The following PRKRIP1 variants were observed in gnomAD, a reference collection of about 807,000 sequenced individuals.
PRKRIP1 encodes the protein PRKR-interacting protein 1.
Under a neutral mutation model 29.3 loss-of-function variants are expected in PRKRIP1, and 29 were observed. That is an observed-to-expected ratio of 0.99 (90% CI 0.74 to 1.35). PRKRIP1 has a LOEUF of 1.35. PRKRIP1 is among the 40% of genes most tolerant of loss of function. The pLI, the probability that PRKRIP1 is intolerant of heterozygous loss-of-function variation, is 0.00. For missense variants in PRKRIP1, 247 were observed against 236.8 expected (o/e 1.04, Z -0.28); for synonymous variants, 90 against 85.1 (o/e 1.06, Z -0.32).
intron 5 of PRKRIP1, among the ~76,000 whole-genome samples, chr7:102,413,240 G>T (rs528157999): frequency 2.6e-5 from 4 of 152,268 alleles, no homozygotes; most frequent in South Asian, 4.2e-4. Context: ...GCACCCCAGT[G>T]GGGGAGGAGG....
At chr7:102,398,845 A>G (rs782785002) in intron 2 of PRKRIP1, among the ~76,000 whole-genome samples, 6 of 152,276 alleles carry the variant, frequency 3.9e-5, no homozygotes, top group African/African-American at 1.2e-4. Flanking sequence ...AAAAAGCAAC[A>G]TAGGCCAGGC....
chr7:102,404,300 G>C, intron 3 of PRKRIP1: 1 of 252,702 alleles, frequency 4.0e-6, no homozygotes, highest in Non-Finnish European at 7.7e-6. Flanking sequence ...AGCAGATGGT[G>C]AGCGCTGCCC....
intron 5 of PRKRIP1, among the ~76,000 whole-genome samples, chr7:102,416,660 G>A (rs1554573151): frequency 6.9e-6 from 1 of 144,694 alleles, no homozygotes; most frequent in African/African-American, 2.6e-5. Context: ...TACTGCCAAC[G>A]TGGCCATCAG....
At position 102,407,597 on chromosome 7, in the gene PRKRIP1, T is replaced by C. The variant is rs1554572034; in HGVS notation, c.457+99T>C. The C allele has an allele frequency of 3.4e-6, 3 of 872,342 alleles. No homozygotes were observed. In the Admixed American group the frequency reaches 6.7e-5, roughly 19 times the overall value. The allele number at this position is 872,342 out of a possible 1,614,324, so 54.0% of individuals were successfully genotyped here. A position where few individuals can be genotyped will look rare whatever the true frequency, so the allele number is the denominator to read the frequency against. On this transcript the variant is annotated intron_variant, in intron 5 of 5. Transcript: ENST00000397912. ...CACAGGGACGGAGAGTTTGGGCTGGTTGGCTGGCCACTGAAGAAATAACAG... is the reference window on the plus strand; with the variant it reads ...CACAGGGACGGAGAGTTTGGGCTGGCTGGCTGGCCACTGAAGAAATAACAG...
chr7:102,424,071 C>T (rs966647570), intron 5 of PRKRIP1, among the ~76,000 whole-genome samples: 2 of 152,272 alleles, frequency 1.3e-5, no homozygotes, highest in Non-Finnish European at 2.9e-5. Flanking sequence ...TCGCCAGCGC[C>T]GTGCGTGTTC....
intron 4 of PRKRIP1, among the ~76,000 whole-genome samples, chr7:102,406,215 G>A (rs148814679): frequency 9.6e-4 from 146 of 152,226 alleles, no homozygotes; most frequent in African/African-American, 3.3e-3. Context: ...TGGTTTCACC[G>A]GGATTCAGAA....
chr7:102,420,298 G>A (rs1457094633), intron 5 of PRKRIP1, among the ~76,000 whole-genome samples: 1 of 152,190 alleles, frequency 6.6e-6, no homozygotes, highest in Non-Finnish European at 1.5e-5. Flanking sequence ...GTAAGAAACT[G>A]CCAAACTGTC....
chr7:102,422,118 G>A (rs1304910084), intron 5 of PRKRIP1, among the ~76,000 whole-genome samples: 2 of 150,134 alleles, frequency 1.3e-5, no homozygotes, highest in Non-Finnish European at 3.0e-5. Flanking sequence ...ATGGTTCATT[G>A]TACACAACTG....
intron 2 of PRKRIP1, 74 bp downstream of exon 2, chr7:102,397,772 G>A (rs1586671846): frequency 3.5e-6 from 5 of 1,444,598 alleles, no homozygotes; most frequent in Admixed American, 1.8e-5. Flanking sequence ...TAGGCTGGGC[G>A]TGGTGGCTCA....
intron 4 of PRKRIP1, 47 bp downstream of exon 4, chr7:102,404,730 G>A (rs1796166003): frequency 2.7e-6 from 4 of 1,470,544 alleles, no homozygotes; most frequent in Non-Finnish European, 3.8e-6. Context: ...GCCAGGGGTG[G>A]TGGCTGGGTG....
At chr7:102,422,143 AATT>A (rs34497895) in intron 5 of PRKRIP1, among the ~76,000 whole-genome samples, 44 of 133,384 alleles carry the variant, frequency 3.3e-4, no homozygotes, top group African/African-American at 1.2e-3. Flanking sequence ...TCATACACAA[AATT>A]ATTATTATTA....
In PRKRIP1 at chr7:102,425,600, C is replaced by G. The variant is rs1440003385; in HGVS notation, c.*489C>G. 1 of 254,008 alleles carries G rather than the reference C, an allele frequency of 3.9e-6. No homozygotes were observed. Among genetic ancestry groups the G allele is most frequent in the Non-Finnish European group, 7.8e-6 (1 of 128,846 alleles). The allele number at this position is 254,008 out of a possible 1,614,324, so 15.7% of individuals were successfully genotyped here. The stretch of plus-strand genomic sequence containing the variant: ...TCAGCTGTGGGGCTGGTCCATGTTG[C>G]CCACTCACTCCAGTGGGAAGTGGGG... On this transcript the variant is annotated 3_prime_UTR_variant, in exon 6 of 6. Transcript: ENST00000397912.
chr7:102,409,861 G>A (rs1041238053), intron 5 of PRKRIP1, among the ~76,000 whole-genome samples: 1 of 152,064 alleles, frequency 6.6e-6, no homozygotes, highest in Non-Finnish European at 1.5e-5. Context: ...CTCCTTTGCT[G>A]AGTAATTTGA....
chr7:102,421,913 T>G (rs1796702981), intron 5 of PRKRIP1, among the ~76,000 whole-genome samples: 1 of 152,098 alleles, frequency 6.6e-6, no homozygotes, highest in Admixed American at 6.6e-5. Context: ...GACACAGCTG[T>G]GCTGCTTAAT....
At chr7:102,408,432 G>T (rs1307222431) in intron 5 of PRKRIP1, among the ~76,000 whole-genome samples, 5 of 152,154 alleles carry the variant, frequency 3.3e-5, no homozygotes, top group African/African-American at 4.8e-5. Context: ...AGAGTAGGAG[G>T]CAGGGTTGGC....
At chr7:102,412,060 T>C (rs941238430) in intron 5 of PRKRIP1, among the ~76,000 whole-genome samples, 8 of 151,998 alleles carry the variant, frequency 5.3e-5, no homozygotes, top group Non-Finnish European at 1.0e-4. Context: ...TTTTTGTGTT[T>C]TTAGTAGAGA....
intron 5 of PRKRIP1, among the ~76,000 whole-genome samples, chr7:102,420,350 A>G (rs1017782870): frequency 6.6e-6 from 1 of 152,200 alleles, no homozygotes; most frequent in African/African-American, 2.4e-5. Flanking sequence ...ACCAGCAACG[A>G]TAGTTTCTCT....
chr7:102,423,312 C>T (rs1796748000), intron 5 of PRKRIP1: 1 of 387,776 alleles, frequency 2.6e-6, no homozygotes, highest in Non-Finnish European at 5.2e-6. Flanking sequence ...ATGAGGTTTC[C>T]CCCATGTTGG....
rs527770642 is a variant in PRKRIP1 at position 102,417,668 on chromosome 7, G to A, written c.458-7346G>A. ...GAGACAGGGTCTCTTACCTAGGCTG[G>A]AGTGCAGTGGCACCATCATAGCTCA... is the stretch of plus-strand genomic sequence containing the variant. On this transcript the variant is annotated intron_variant, in intron 5 of 5. Transcript: ENST00000397912. Among the ~76,000 whole-genome samples the A allele has an allele frequency of 6.1e-5, 9 of 147,784 alleles. No homozygotes were observed. In the Admixed American group the frequency reaches 6.1e-4, roughly 10 times the overall value.
Sources: allele counts gnomAD v4.1 joint callset (sites outside exome capture counted in the v4.1 genomes callset), GRCh38; gene constraint gnomAD v4.1.1; transcripts MANE v1.5; gene names NCBI Gene and HGNC (gene_info 2026-07-23, HGNC 2026-07-21).